The following SNAP47 variants were observed in gnomAD, a reference collection of about 807,000 sequenced individuals.
SNAP47 encodes the protein synaptosomal-associated protein 47.
SNAP47 carries 20 observed loss-of-function variants against 31.4 expected under a neutral mutation model. The observed-to-expected ratio is 0.64, with a 90% CI of 0.45 to 0.93. The LOEUF is 0.93. Ranked by LOEUF, SNAP47 falls within the 40% of genes least tolerant of loss-of-function variation. SNAP47 has a pLI of 0.00. For missense variants in SNAP47, 492 were observed against 528.5 expected (o/e 0.93, Z 0.68); for synonymous variants, 194 against 213.4 (o/e 0.91, Z 0.79).
At position 227,747,835 on chromosome 1, in the gene SNAP47, G is replaced by A. The variant is rs774333210; in HGVS notation, c.99G>A (p.Ser33=). Residue 33 remains serine (S), a synonymous_variant, in exon 2 of 5, where the codon TCG becomes TCA. Coordinates refer to ENST00000617596, the MANE Select transcript of SNAP47 (RefSeq NM_053052.4). ...GACAGCTGTCCTTAACATCGCTGTC[G>A]CTCAGGTTCATGACTGACAGCACTG... ...VTGQLSLTSL[S]LRFMTDSTGE... is the part of the protein sequence containing the mutation. 19 of 1,614,044 alleles carry A rather than the reference G, an allele frequency of 1.2e-5. No homozygotes were observed. In the South Asian group the frequency reaches 1.2e-4, roughly 10 times the overall value.
intron 4 of SNAP47, among the ~76,000 whole-genome samples, chr1:227,775,254 A>G (rs1018473166): frequency 2.0e-5 from 3 of 152,112 alleles, no homozygotes; most frequent in African/African-American, 4.8e-5. Flanking sequence ...CCCCCTTTAC[A>G]TTCTCTGCAG....
chr1:227,740,033 G>T (rs1186986981), intron 1 of SNAP47, among the ~76,000 whole-genome samples: 1 of 152,266 alleles, frequency 6.6e-6, no homozygotes, highest in Non-Finnish European at 1.5e-5. Flanking sequence ...TTCATTGGGT[G>T]CCCATGGTGT....
chr1:227,729,871 TAG>T (rs1337233441), intron 1 of SNAP47, among the ~76,000 whole-genome samples: 2 of 152,174 alleles, frequency 1.3e-5, no homozygotes, highest in Admixed American at 1.3e-4. Context: ...CCTCCCAGGC[TAG>T]AGTCTGTGCA....
chr1:227,765,280 G>A (rs2102970686), intron 3 of SNAP47, among the ~76,000 whole-genome samples: 1 of 152,358 alleles, frequency 6.6e-6, no homozygotes. Flanking sequence ...GGAGGCACTG[G>A]TGCAGCGCAG....
chr1:227,779,413 C>T (rs1005314962), intron 4 of SNAP47, among the ~76,000 whole-genome samples: 1 of 152,120 alleles, frequency 6.6e-6, no homozygotes, highest in African/African-American at 2.4e-5. Flanking sequence ...GGAGGCTGCT[C>T]CCCCAGGGCT....
At chr1:227,755,171 A>T (rs1445803429) in intron 2 of SNAP47, among the ~76,000 whole-genome samples, 2 of 152,022 alleles carry the variant, frequency 1.3e-5, no homozygotes, top group Non-Finnish European at 2.9e-5. Flanking sequence ...CCTTATCTCC[A>T]GCCCAGACAC....
chr1:227,751,760 TTTTTTTTTTTTTTTTTTTTTTG>T (rs1662379074), intron 2 of SNAP47, among the ~76,000 whole-genome samples: 1 of 78,066 alleles, frequency 1.3e-5, no homozygotes, highest in African/African-American at 5.0e-5. Context: ...TTTTTTTTTT[TTTTTTTTTTTTTTTTTTTTTTG>T]AGACGGAGTC....
rs754363485 is a variant in SNAP47, at chr1:227,780,694, C to T, written c.*21C>T. On this transcript the variant is annotated 3_prime_UTR_variant, in exon 5 of 5. Transcript: ENST00000617596. ...CCTAGGGGCAGAACGTCCCTGCATTCCTGTCTCACCCTGCACATCCCGCTG... is the reference window on the plus strand; with the variant it reads ...CCTAGGGGCAGAACGTCCCTGCATTTCTGTCTCACCCTGCACATCCCGCTG... 7 of 1,613,366 alleles carry T rather than the reference C, an allele frequency of 4.3e-6. No homozygotes were observed. Among genetic ancestry groups the T allele is most frequent in the Non-Finnish European group, 5.1e-6 (6 of 1,179,710 alleles).
intron 1 of SNAP47, chr1:227,745,874 A>C (rs1190650742): frequency 6.6e-6 from 1 of 152,306 alleles, no homozygotes; most frequent in East Asian, 1.9e-4. Flanking sequence ...CTCGCCACGC[A>C]GGCATTCTGG....
intron 1 of SNAP47, among the ~76,000 whole-genome samples, chr1:227,737,210 G>A (rs1008589188): frequency 6.6e-6 from 1 of 152,228 alleles, no homozygotes; most frequent in Non-Finnish European, 1.5e-5. Context: ...CCACATGGAT[G>A]CAGAAGGAAA....
At chr1:227,768,099 G>A (rs569657196) in intron 4 of SNAP47, 22 of 162,594 alleles carry the variant, frequency 1.4e-4, no homozygotes, top group Non-Finnish European at 1.9e-4. Context: ...TGCCACTGTC[G>A]CCTTAGGAAA....
intron 1 of SNAP47, among the ~76,000 whole-genome samples, chr1:227,744,810 C>A (rs1661852208): frequency 1.3e-5 from 2 of 152,190 alleles, no homozygotes; most frequent in South Asian, 4.1e-4. Flanking sequence ...CAGGGATAGT[C>A]CTGCCTCGGG....
At chr1:227,731,989 C>A (rs562163555), upstream of SNAP47, 22 of 243,306 alleles carry the variant, frequency 9.0e-5, no homozygotes, top group South Asian at 5.9e-4. Context: ...CCTCCCTGAA[C>A]CCACAGGGCA....
At chr1:227,772,729 T>C (rs531606654) in intron 4 of SNAP47, among the ~76,000 whole-genome samples, 64 of 152,296 alleles carry the variant, frequency 4.2e-4, no homozygotes, top group African/African-American at 1.4e-3. Flanking sequence ...TCTGAGTTAA[T>C]GTTTGTGTGC....
chr1:227,759,802 G>T lies in SNAP47; in HGVS notation c.988+317G>T, dbSNP rs1662947547. Reference sequence around the variant, plus strand: ...ATGTGGAAATTTGGTCGCCAGTGTGGCAGGGCTGGGAGGTGTTTGGTCACA... The same window carrying T: ...ATGTGGAAATTTGGTCGCCAGTGTGTCAGGGCTGGGAGGTGTTTGGTCACA... On this transcript the variant is annotated intron_variant, in intron 3 of 4. Coordinates refer to ENST00000617596, the MANE Select transcript of SNAP47 (RefSeq NM_053052.4). 3 of 397,308 alleles carry T rather than the reference G, an allele frequency of 7.6e-6. No homozygotes were observed. In the South Asian group the frequency reaches 8.4e-5, roughly 11 times the overall value. 24.6% of individuals were successfully genotyped at this position (397,308 alleles called of 1,614,324 possible). A position where few individuals can be genotyped will look rare whatever the true frequency, so the allele number is the denominator to read the frequency against.
chr1:227,756,518 A>ACCCGGC (rs1257689531), intron 2 of SNAP47, among the ~76,000 whole-genome samples: 41 of 152,238 alleles, frequency 2.7e-4, no homozygotes. Context: ...ATATTTCTGG[A>ACCCGGC]CCCGGCCCCG....
At position 227,748,057 on chromosome 1, in the gene SNAP47, A is replaced by T; in HGVS notation, c.321A>T (p.Gly107=). The T allele has an allele frequency of 6.2e-7, 1 of 1,614,106 alleles. No individual in the cohort carries two copies. Among genetic ancestry groups the T allele is most frequent in the Non-Finnish European group, 8.5e-7 (1 of 1,180,006 alleles). ...FWRELLLSQP[G]AVADASVPRT... ...GGGAGCTGCTGCTGTCTCAGCCTGG[A>T]GCCGTGGCAGACGCATCTGTCCCAA... Residue 107 remains glycine, a synonymous_variant, in exon 2 of 5, where the codon GGA becomes GGT. Transcript: ENST00000617596.
At chr1:227,734,825 A>C, upstream of SNAP47, 1 of 1,613,506 alleles carries the variant, frequency 6.2e-7, no homozygotes, top group Non-Finnish European at 8.5e-7. Context: ...TCCTGAAATG[A>C]AAGGCACGGT....
chr1:227,780,569 G>A lies in SNAP47; in HGVS notation c.1156G>A (p.Glu386Lys). 6.2e-7 allele frequency: 1 copy of A among 1,614,212 alleles called. No individual in the cohort carries two copies. Among genetic ancestry groups the A allele is most frequent in the East Asian group, 2.2e-5 (1 of 44,890 alleles). ...MKGLALEAES[E>K]LERQDEALDG... ...GGGGCTGGCCCTGGAGGCCGAGAGTGAGCTGGAGAGACAAGACGAAGCCCT... is the reference window on the plus strand; with the variant it reads ...GGGGCTGGCCCTGGAGGCCGAGAGTAAGCTGGAGAGACAAGACGAAGCCCT... Residue 386 changes from glutamate (E) to lysine (K), a missense_variant, in exon 5 of 5, where the codon GAG (glutamate) becomes AAG (lysine). Coordinates refer to ENST00000617596, the MANE Select transcript of SNAP47 (RefSeq NM_053052.4).
Sources: allele counts gnomAD v4.1 joint callset (sites outside exome capture counted in the v4.1 genomes callset), GRCh38; gene constraint gnomAD v4.1.1; transcripts MANE v1.5; gene names NCBI Gene and HGNC (gene_info 2026-07-23, HGNC 2026-07-21).